GRIK2: variants seen among roughly 807,000 people sequenced by gnomAD.
The protein encoded by GRIK2 is glutamate ionotropic receptor kainate type subunit 2, also known as glutamate receptor ionotropic, kainate 2.
In GRIK2, 32 loss-of-function variants were observed where a neutral mutation model predicts 100.3. The ratio of observed to expected loss-of-function variants is 0.32; its 90% CI spans 0.24 to 0.43. The LOEUF (loss-of-function observed/expected upper bound fraction) is 0.43. Among genes scored for constraint, GRIK2 ranks in the 20% least tolerant of loss-of-function variants. The pLI is 1.00. For missense variants in GRIK2, 843 were observed against 1,114.9 expected (o/e 0.76, Z 3.47); for synonymous variants, 417 against 389.4 (o/e 1.07, Z -0.83).
chr6:101,890,864 AT>A (rs1436157562), intron 12 of GRIK2, among the ~76,000 whole-genome samples: 6 of 151,728 alleles, frequency 4.0e-5, no homozygotes, highest in Non-Finnish European at 5.9e-5. Context: ...TATTCATTAT[AT>A]TCTTTGAATT....
At chr6:101,418,085 C>T (rs914842418) in intron 2 of GRIK2, among the ~76,000 whole-genome samples, 1 of 152,140 alleles carries the variant, frequency 6.6e-6, no homozygotes. Flanking sequence ...AGGCTTTTAT[C>T]CACAGATCTG....
intron 7 of GRIK2, among the ~76,000 whole-genome samples, chr6:101,790,236 A>T (rs1209655557): frequency 3.3e-5 from 5 of 151,684 alleles, no homozygotes; most frequent in Middle Eastern, 3.4e-3. Flanking sequence ...AGACCTTCCA[A>T]CACTATATTG....
At chr6:101,541,426 ACACT>A (rs775501415) in intron 2 of GRIK2, among the ~76,000 whole-genome samples, 9,019 of 95,254 alleles carry the variant, frequency 0.095, 553 homozygotes, top group African/African-American at 0.23. Flanking sequence ...ACATACACAC[ACACT>A]ACACCCTTAT....
At chr6:101,833,106 CTT>C (rs1782808016) in intron 10 of GRIK2, among the ~76,000 whole-genome samples, 1 of 151,960 alleles carries the variant, frequency 6.6e-6, no homozygotes, top group African/African-American at 2.4e-5. Context: ...TTTTTCTTAT[CTT>C]GAGTCAATTT....
At chr6:101,474,477 C>T (rs984625413) in intron 2 of GRIK2, among the ~76,000 whole-genome samples, 1 of 151,718 alleles carries the variant, frequency 6.6e-6, no homozygotes, top group African/African-American at 2.4e-5. Flanking sequence ...AATAAATGTT[C>T]TGAATATTTA....
chr6:101,546,090 C>A (rs1352051603), intron 2 of GRIK2, among the ~76,000 whole-genome samples: 3 of 152,054 alleles, frequency 2.0e-5, no homozygotes, highest in Non-Finnish European at 4.4e-5. Context: ...CATGGTTATT[C>A]ACTTTTAGAT....
intron 2 of GRIK2, among the ~76,000 whole-genome samples, chr6:101,528,007 G>A (rs1775238541): frequency 6.6e-6 from 1 of 151,474 alleles, no homozygotes; most frequent in Non-Finnish European, 1.5e-5. Context: ...GCATAGGACT[G>A]CTGGGTTCAT....
chr6:101,806,219 CT>C (rs1562402638), intron 9 of GRIK2, among the ~76,000 whole-genome samples: 1 of 151,942 alleles, frequency 6.6e-6, no homozygotes, highest in Admixed American at 6.6e-5. Context: ...TTATGAGAGG[CT>C]GGTATTGAGC....
At chr6:101,953,481 C>A (rs1311228) in intron 14 of GRIK2, among the ~76,000 whole-genome samples, 6,032 of 152,228 alleles carry the variant, frequency 0.04, 430 homozygotes, top group African/African-American at 0.14. Context: ...GCTATCTCCT[C>A]ATGGCTTTGA....
chr6:102,058,683 TCA>T (rs1382065573), intron 16 of GRIK2, among the ~76,000 whole-genome samples: 1 of 151,522 alleles, frequency 6.6e-6, no homozygotes, highest in Non-Finnish European at 1.5e-5. Context: ...ATACAGAAAT[TCA>T]GTTTACTTTT....
intron 14 of GRIK2, among the ~76,000 whole-genome samples, chr6:101,947,351 CAG>C (rs1391737864): frequency 6.6e-6 from 1 of 152,000 alleles, no homozygotes; most frequent in Non-Finnish European, 1.5e-5. Flanking sequence ...TTGATCATAA[CAG>C]GAATTAAACA....
intron 11 of GRIK2, among the ~76,000 whole-genome samples, chr6:101,873,874 T>C (rs961407893): frequency 2.6e-5 from 4 of 152,142 alleles, no homozygotes; most frequent in African/African-American, 7.2e-5. Context: ...TCATGTGTCT[T>C]TTGGCTGCAT....
At chr6:101,833,957 T>A (rs1782879909) in intron 10 of GRIK2, among the ~76,000 whole-genome samples, 1 of 152,110 alleles carries the variant, frequency 6.6e-6, no homozygotes, top group African/African-American at 2.4e-5. Context: ...TATGAGGTTG[T>A]TTTATTGTTT....
intron 2 of GRIK2, among the ~76,000 whole-genome samples, chr6:101,496,037 C>T (rs1773425529): frequency 6.6e-6 from 1 of 152,134 alleles, no homozygotes. Context: ...CCTCTGCCTC[C>T]TGGGTTCAAA....
intron 2 of GRIK2, among the ~76,000 whole-genome samples, chr6:101,482,482 G>A (rs2518168): frequency 0.27 from 40,329 of 151,908 alleles, 5,969 homozygotes; most frequent in East Asian, 0.36. Flanking sequence ...CGTTCTTGTG[G>A]GTGAGACAAA....
chr6:101,421,256 C>G lies in GRIK2; in HGVS notation c.115+21864C>G, dbSNP rs1053043412. 3.9e-5 allele frequency among the ~76,000 whole-genome samples: 6 copies of G among 152,226 alleles called. No homozygotes were observed. The South Asian group carries it at 1.0e-3, about 26-fold the overall frequency. Reference sequence around the variant, plus strand: ...ATTTTGTGGGCAGGTGGCAAGGTCTCAGGAAAGGCTTTATTCCAGAACTTT... The same window carrying G: ...ATTTTGTGGGCAGGTGGCAAGGTCTGAGGAAAGGCTTTATTCCAGAACTTT... On this transcript the variant is annotated intron_variant, in intron 2 of 16. Coordinates refer to ENST00000369134, the MANE Select transcript of GRIK2 (RefSeq NM_021956.5).
chr6:101,546,324 C>T (rs558964512), intron 2 of GRIK2, among the ~76,000 whole-genome samples: 2 of 152,240 alleles, frequency 1.3e-5, no homozygotes, highest in South Asian at 4.1e-4. Context: ...TTAAGCACTG[C>T]TTAATAATCA....
chr6:101,865,011 G>A (rs898578628), intron 11 of GRIK2, among the ~76,000 whole-genome samples: 1 of 152,184 alleles, frequency 6.6e-6, no homozygotes, highest in Non-Finnish European at 1.5e-5. Flanking sequence ...ACCATTTGAT[G>A]TAGGTAAAAG....
chr6:101,795,796 G>C (rs1319593627), intron 7 of GRIK2, among the ~76,000 whole-genome samples: 1 of 152,200 alleles, frequency 6.6e-6, no homozygotes, highest in African/African-American at 2.4e-5. Flanking sequence ...CCAGGGGTGT[G>C]GGCCTGCCCT....
Sources: gnomAD v4.1 joint callset for allele counts (sites outside exome capture counted in the v4.1 genomes callset) on GRCh38, gnomAD v4.1.1 for gene constraint, MANE v1.5 for transcripts, NCBI Gene and HGNC (gene_info 2026-07-23, HGNC 2026-07-21) for gene names.